The following SIMC1 variants were observed in gnomAD, a reference collection of about 807,000 sequenced individuals.
SIMC1 encodes the protein SUMO-interacting motif-containing protein 1.
A neutral mutation model predicts 82.3 loss-of-function variants in SIMC1; 55 were observed. That is an observed-to-expected ratio of 0.67 (90% CI 0.54 to 0.84). The LOEUF (loss-of-function observed/expected upper bound fraction) is 0.84. Among genes scored for constraint, SIMC1 ranks in the 40% least tolerant of loss-of-function variants. SIMC1 has a pLI of 0.00. For missense variants in SIMC1, 915 were observed against 1,107.2 expected (o/e 0.83, Z 2.46); for synonymous variants, 353 against 426.3 (o/e 0.83, Z 2.12).
At chr5:176,277,694 AT>A (rs1762778619) in intron 1 of SIMC1, among the ~76,000 whole-genome samples, 1 of 152,046 alleles carries the variant, frequency 6.6e-6, no homozygotes, top group African/African-American at 2.4e-5. Context: ...AGCACCATTT[AT>A]TAACTAGGGA....
At chr5:176,282,718 ACTT>A (rs1763070293) in intron 1 of SIMC1, among the ~76,000 whole-genome samples, 1 of 152,182 alleles carries the variant, frequency 6.6e-6, no homozygotes, top group African/African-American at 2.4e-5. Flanking sequence ...AGACAATCAA[ACTT>A]CTTCTAGCTA....
intron 1 of SIMC1, among the ~76,000 whole-genome samples, chr5:176,252,579 G>A (rs1184921747): frequency 6.6e-6 from 1 of 151,372 alleles, no homozygotes; most frequent in East Asian, 1.9e-4. Context: ...TCCTAGATGG[G>A]ATGGCAGCCG....
At chr5:176,282,171 A>G (rs943315679) in intron 1 of SIMC1, among the ~76,000 whole-genome samples, 6 of 152,322 alleles carry the variant, frequency 3.9e-5, no homozygotes, top group Admixed American at 3.9e-4. Flanking sequence ...GCCGCCTTGC[A>G]GTTTGATCTC....
At chr5:176,281,907 G>C (rs1763026973) in intron 1 of SIMC1, among the ~76,000 whole-genome samples, 1 of 152,216 alleles carries the variant, frequency 6.6e-6, no homozygotes, top group African/African-American at 2.4e-5. Context: ...GAGGCAGTCT[G>C]CCCGTTCTCA....
intron 6 of SIMC1, among the ~76,000 whole-genome samples, chr5:176,324,267 C>T (rs1480600821): frequency 6.6e-6 from 1 of 152,202 alleles, no homozygotes; most frequent in Admixed American, 6.5e-5. Context: ...TTAAGTCACT[C>T]TGGACCTGTT....
rs749698271 is a variant in SIMC1 at position 176,289,844 on chromosome 5, C to T, written c.320C>T (p.Ala107Val). The change falls in exon 2 of 10, where the codon GCG becomes GTG. Residue 107 changes from alanine to valine, a missense_variant. Physicochemically the swap from Ala to Val is moderately conservative, Grantham distance 64. Coordinates refer to ENST00000429602, the MANE Select transcript of SIMC1 (RefSeq NM_001308195.2). ...ACATGTGCCAGCCTCTCTGGCAAAG[C>T]GGTGATGGAAGGGCACGTGGACAGA... ...LQTCASLSGK[A>V]VMEGHVDRSS... is the part of the protein sequence containing the mutation. 8 of 1,613,812 alleles carry T rather than the reference C, an allele frequency of 5.0e-6. No individual in the cohort carries two copies. The highest frequency in any genetic ancestry group is 1.1e-5 in the South Asian group (1 of 91,076).
intron 5 of SIMC1, among the ~76,000 whole-genome samples, chr5:176,321,518 T>C (rs12517464): frequency 2.0e-5 from 3 of 152,166 alleles, no homozygotes; most frequent in Admixed American, 6.6e-5. Context: ...CAAAAGTTAT[T>C]TATTATAATA....
intron 7 of SIMC1, among the ~76,000 whole-genome samples, chr5:176,335,109 A>G (rs1466054382): frequency 2.0e-5 from 3 of 151,468 alleles, no homozygotes; most frequent in African/African-American, 4.9e-5. Flanking sequence ...AAAAAAAAAA[A>G]TAATAATAAT....
chr5:176,291,057 A>C, intron 2 of SIMC1, 102 bp downstream of exon 2: 1 of 703,488 alleles, frequency 1.4e-6, no homozygotes, highest in South Asian at 2.2e-5. Flanking sequence ...GTCAAGCATA[A>C]ATGAAATTTC....
chr5:176,328,682 A>G (rs2113385889), intron 7 of SIMC1, among the ~76,000 whole-genome samples: 1 of 152,352 alleles, frequency 6.6e-6, no homozygotes. Context: ...CAGGGTGCCA[A>G]AAATGGAATA....
chr5:176,252,927 T>G (rs559131917), intron 1 of SIMC1, among the ~76,000 whole-genome samples: 1 of 152,306 alleles, frequency 6.6e-6, no homozygotes, highest in South Asian at 2.1e-4. Flanking sequence ...CACTCGCGGT[T>G]AGGAGCTGGA....
intron 9 of SIMC1, among the ~76,000 whole-genome samples, chr5:176,339,287 C>T (rs1222466710): frequency 1.3e-5 from 2 of 152,124 alleles, no homozygotes; most frequent in Admixed American, 1.3e-4. Flanking sequence ...TCATTTGAAC[C>T]CGGGAGGTGG....
chr5:176,306,889 AAC>A (rs2113325481), intron 4 of SIMC1, among the ~76,000 whole-genome samples: 1 of 145,756 alleles, frequency 6.9e-6, no homozygotes, highest in Non-Finnish European at 1.5e-5. Context: ...CTCTGTGAGA[AAC>A]ACCCAAGAAT....
Position 176,238,568 on chromosome 5 carries a change from C to T in SIMC1, c.60C>T (p.Arg20=), listed in dbSNP as rs1258970169. 4 of 1,309,642 alleles carry T rather than the reference C, an allele frequency of 3.1e-6. No individual in the cohort carries two copies. Among genetic ancestry groups the T allele is most frequent in the South Asian group, 2.0e-5 (1 of 49,646 alleles). 81.1% of individuals were successfully genotyped at this position (1,309,642 alleles called of 1,614,324 possible). A position where few individuals can be genotyped will look rare whatever the true frequency, so the allele number is the denominator to read the frequency against. The part of the protein sequence containing the change: ...DSGSESSGGA[R]PGRSRRPRRA... Reference sequence around the variant, plus strand: ...GCTCTGAGAGCTCCGGGGGCGCCCGCCCGGGCCGGTCGCGGAGGCCGCGCC... The same window carrying T: ...GCTCTGAGAGCTCCGGGGGCGCCCGTCCGGGCCGGTCGCGGAGGCCGCGCC... The change falls in exon 1 of 10, where the codon CGC becomes CGT. Residue 20 remains arginine, a synonymous_variant. Transcript: ENST00000429602.
At chr5:176,258,490 GAAA>G (rs1446810172) in intron 1 of SIMC1, among the ~76,000 whole-genome samples, 2 of 149,804 alleles carry the variant, frequency 1.3e-5, no homozygotes, top group Non-Finnish European at 3.0e-5. Flanking sequence ...CAGTTAAGTG[GAAA>G]AAAGCAAGTC....
intron 2 of SIMC1, among the ~76,000 whole-genome samples, chr5:176,291,203 T>TC (rs1272540377): frequency 7.0e-6 from 1 of 142,424 alleles, no homozygotes; most frequent in African/African-American, 2.6e-5. Context: ...TTGCTCTGTC[T>TC]CCCAGGCTAG....
intron 1 of SIMC1, among the ~76,000 whole-genome samples, chr5:176,252,519 C>T (rs957842763): frequency 3.5e-5 from 5 of 144,676 alleles, no homozygotes; most frequent in East Asian, 4.1e-4. Context: ...GGGGCAGAGG[C>T]GCTTCCCACA....
At chr5:176,307,340 C>T (rs1764469304) in intron 4 of SIMC1, among the ~76,000 whole-genome samples, 1 of 152,176 alleles carries the variant, frequency 6.6e-6, no homozygotes, top group Non-Finnish European at 1.5e-5. Flanking sequence ...ATATACTTAA[C>T]ACTACTGAAC....
chr5:176,247,101 T>G (rs1443002217), intron 1 of SIMC1, among the ~76,000 whole-genome samples: 1 of 152,142 alleles, frequency 6.6e-6, no homozygotes, highest in Non-Finnish European at 1.5e-5. Flanking sequence ...TAGAATGATT[T>G]ATAATCCTTT....
Sources: allele counts gnomAD v4.1 joint callset (sites outside exome capture counted in the v4.1 genomes callset), GRCh38; gene constraint gnomAD v4.1.1; transcripts MANE v1.5; gene names NCBI Gene and HGNC (gene_info 2026-07-23, HGNC 2026-07-21).